MAGI1: variants seen among roughly 807,000 people sequenced by gnomAD.
MAGI1 encodes the protein membrane-associated guanylate kinase, WW and PDZ domain-containing protein 1.
Under a neutral mutation model 139.9 loss-of-function variants are expected in MAGI1, and 58 were observed. The observed-to-expected ratio is 0.41, with a 90% CI of 0.34 to 0.52. The LOEUF is 0.52. Ranked by LOEUF, MAGI1 falls within the 20% of genes least tolerant of loss-of-function variation. MAGI1 has a pLI of 0.12. For missense variants in MAGI1, 1,874 were observed against 1,901.6 expected, an observed-to-expected ratio of 0.99 and a Z score of 0.27; for synonymous variants, 812 against 737.9, an observed-to-expected ratio of 1.10 and a Z score of -1.63.
chr3:65,609,236 T>G (rs934011818), intron 2 of MAGI1, among the ~76,000 whole-genome samples: 2 of 152,132 alleles, frequency 1.3e-5, no homozygotes, highest in African/African-American at 4.8e-5. Flanking sequence ...AAGATTTTTA[T>G]AACTTGCTAT....
chr3:65,443,309 C>G (rs1301199434), intron 7 of MAGI1, among the ~76,000 whole-genome samples: 1 of 152,136 alleles, frequency 6.6e-6, no homozygotes, highest in Admixed American at 6.6e-5. Context: ...TGCATGTTAT[C>G]TTCTCCTTGT....
chr3:65,393,864 T>C (rs1944149877), intron 13 of MAGI1, among the ~76,000 whole-genome samples: 1 of 152,206 alleles, frequency 6.6e-6, no homozygotes, highest in South Asian at 2.1e-4. Context: ...ATTGGCAGTT[T>C]CTGTTCCATT....
chr3:65,997,634 C>A (rs1054364559), intron 1 of MAGI1, among the ~76,000 whole-genome samples: 3 of 151,764 alleles, frequency 2.0e-5, no homozygotes. Flanking sequence ...CCAGCCTGGG[C>A]GACAGAGCAA....
At chr3:65,692,989 T>A (rs867814472) in intron 1 of MAGI1, among the ~76,000 whole-genome samples, 2 of 152,276 alleles carry the variant, frequency 1.3e-5, no homozygotes, top group East Asian at 1.9e-4. Context: ...TGGATTACAA[T>A]GGCACAATCA....
intron 1 of MAGI1, among the ~76,000 whole-genome samples, chr3:65,984,974 A>C (rs1395249564): frequency 1.3e-5 from 2 of 152,194 alleles, no homozygotes; most frequent in Non-Finnish European, 2.9e-5. Flanking sequence ...TTCATTTAAA[A>C]TGGGGCAGAG....
intron 1 of MAGI1, among the ~76,000 whole-genome samples, chr3:65,738,515 T>C (rs1380087171): frequency 2.0e-5 from 3 of 152,200 alleles, no homozygotes; most frequent in East Asian, 1.9e-4. Flanking sequence ...GTAAATTGTT[T>C]CCAGAAGATT....
intron 1 of MAGI1, among the ~76,000 whole-genome samples, chr3:65,997,237 C>A (rs2066496887): frequency 6.6e-6 from 1 of 152,176 alleles, no homozygotes; most frequent in Non-Finnish European, 1.5e-5. Context: ...AGACCTTATA[C>A]AAGATCCAAA....
chr3:65,911,577 T>C (rs60101729), intron 1 of MAGI1, among the ~76,000 whole-genome samples: 43 of 152,338 alleles, frequency 2.8e-4, no homozygotes, highest in African/African-American at 1.0e-3. Context: ...CTAACTTGCA[T>C]GCTTATTAAA....
At chr3:65,434,973 C>T (rs546138938) in intron 10 of MAGI1, among the ~76,000 whole-genome samples, 2 of 152,258 alleles carry the variant, frequency 1.3e-5, no homozygotes, top group African/African-American at 4.8e-5. Context: ...CTAATTCTTA[C>T]AAGAGGAAGA....
At chr3:65,506,289 T>C (rs924936214) in intron 2 of MAGI1, among the ~76,000 whole-genome samples, 1 of 152,140 alleles carries the variant, frequency 6.6e-6, no homozygotes, top group Non-Finnish European at 1.5e-5. Context: ...ACAAGTAAAA[T>C]GCTTAACCTG....
At chr3:65,490,376 C>T (rs866665550) in intron 3 of MAGI1, among the ~76,000 whole-genome samples, 3 of 152,156 alleles carry the variant, frequency 2.0e-5, no homozygotes, top group Non-Finnish European at 4.4e-5. Flanking sequence ...TAGTGTCCAC[C>T]AATAGACAGC....
chr3:65,687,738 A>C, intron 1 of MAGI1: 1 of 546,422 alleles, frequency 1.8e-6, no homozygotes, highest in South Asian at 1.4e-5. Flanking sequence ...GAAGCCTGAG[A>C]GCACAGGATC....
rs34035405 is a variant in MAGI1 at position 65,782,907 on chromosome 3, T to TA, written c.314-160820dup. Among the ~76,000 whole-genome samples, 176 of 140,872 alleles carry TA rather than the reference T, an allele frequency of 1.2e-3. 1 individual carries two copies. Among genetic ancestry groups the TA allele is most frequent in the East Asian group, 4.3e-3 (21 of 4,892 alleles). The allele number at this position is 140,872 out of a possible 152,430, so 92.4% of individuals were successfully genotyped here. Reference sequence around the variant, plus strand: ...TGTAAGAGCTAAATTATTAAACTCTTAAAAAAAAAAAAAGAGAAAAATCAA... The same window carrying TA: ...TGTAAGAGCTAAATTATTAAACTCTTAAAAAAAAAAAAAAGAGAAAAATCAA... On this transcript the variant is annotated intron_variant, in intron 1 of 22. Coordinates refer to ENST00000402939, the MANE Select transcript of MAGI1 (RefSeq NM_001033057.2).
intron 3 of MAGI1, among the ~76,000 whole-genome samples, chr3:65,492,385 G>A (rs1401766807): frequency 1.3e-5 from 2 of 152,198 alleles, no homozygotes; most frequent in Admixed American, 6.5e-5. Flanking sequence ...CATGTCATTC[G>A]ACTCAGCAGT....
intron 1 of MAGI1, among the ~76,000 whole-genome samples, chr3:65,900,090 C>T (rs1394129693): frequency 2.6e-5 from 4 of 151,518 alleles, no homozygotes; most frequent in African/African-American, 7.3e-5. Context: ...ATTACCTGGA[C>T]CCAAAAAAAA....
At chr3:65,515,827 C>T (rs950685592) in intron 2 of MAGI1, among the ~76,000 whole-genome samples, 3 of 152,134 alleles carry the variant, frequency 2.0e-5, no homozygotes, top group African/African-American at 7.2e-5. Flanking sequence ...AAAGGTATTG[C>T]TATTTTTTAC....
chr3:65,570,805 A>T (rs1434335085), intron 2 of MAGI1, among the ~76,000 whole-genome samples: 1 of 152,200 alleles, frequency 6.6e-6, no homozygotes, highest in Non-Finnish European at 1.5e-5. Context: ...ATAAGCAAGA[A>T]ATAGAGACTA....
chr3:65,753,115 A>C (rs1485148484), intron 1 of MAGI1, among the ~76,000 whole-genome samples: 1 of 152,294 alleles, frequency 6.6e-6, no homozygotes, highest in East Asian at 1.9e-4. Context: ...AACTTACGTC[A>C]TAGTGCAACA....
chr3:65,361,160 T>C (rs1174175808), intron 22 of MAGI1, 39 bp downstream of exon 22: 1 of 1,613,974 alleles, frequency 6.2e-7, no homozygotes. Flanking sequence ...CATGGAGTCA[T>C]GCCAGGGAAG....
Sources: gnomAD v4.1 joint callset for allele counts (sites outside exome capture counted in the v4.1 genomes callset) on GRCh38, gnomAD v4.1.1 for gene constraint, MANE v1.5 for transcripts, NCBI Gene and HGNC (gene_info 2026-07-23, HGNC 2026-07-21) for gene names.